LRBA: variants seen among roughly 807,000 people sequenced by gnomAD.
The protein encoded by LRBA is lipopolysaccharide-responsive and beige-like anchor protein.
LRBA carries 176 observed loss-of-function variants against 330.0 expected under a neutral mutation model. The ratio of observed to expected loss-of-function variants is 0.53; its 90% CI spans 0.47 to 0.60. The LOEUF (loss-of-function observed/expected upper bound fraction) is 0.60, where lower values mean the gene tolerates loss of function less well. Ranked by LOEUF, LRBA falls within the 20% of genes least tolerant of loss-of-function variation. LRBA has a pLI of 0.00. For synonymous variants in LRBA, 1,230 were observed against 1,193.0 expected, an observed-to-expected ratio of 1.03 and a Z score of -0.64; for missense variants, 3,259 against 3,444.8, an observed-to-expected ratio of 0.95 and a Z score of 1.35.
chr4:150,690,501 C>CAA (rs70941425), intron 36 of LRBA, among the ~76,000 whole-genome samples: 34 of 123,784 alleles, frequency 2.7e-4, no homozygotes, highest in Admixed American at 8.8e-4. Flanking sequence ...GACTCCATCT[C>CAA]AAAAAAAAAA....
At chr4:150,481,633 G>A (rs1757309177) in intron 42 of LRBA, among the ~76,000 whole-genome samples, 1 of 151,760 alleles carries the variant, frequency 6.6e-6, no homozygotes, top group South Asian at 2.1e-4. Context: ...TGCTTTTTCA[G>A]TAATTTCATA....
intron 34 of LRBA, among the ~76,000 whole-genome samples, chr4:150,787,337 T>G (rs1739232067): frequency 1.3e-5 from 2 of 152,206 alleles, no homozygotes; most frequent in Non-Finnish European, 2.9e-5. Flanking sequence ...TTTTTAAAAT[T>G]GTTTCGAGAA....
intron 44 of LRBA, among the ~76,000 whole-genome samples, chr4:150,441,174 G>T (rs1751787569): frequency 6.6e-6 from 1 of 151,730 alleles, no homozygotes; most frequent in South Asian, 2.1e-4. Flanking sequence ...ATAAAAAAAG[G>T]CACTAAGTAA....
chr4:150,601,098 C>T (rs111531306), intron 37 of LRBA, among the ~76,000 whole-genome samples: 15 of 152,244 alleles, frequency 9.9e-5, no homozygotes, highest in Admixed American at 2.6e-4. Flanking sequence ...AAACATATGA[C>T]GATGTAAAGC....
At chr4:150,844,339 T>C in intron 27 of LRBA, 132 bp from the exon 28 acceptor site, 1 of 532,454 alleles carries the variant, frequency 1.9e-6, no homozygotes, top group South Asian at 4.3e-5. Context: ...CCACTTTTTT[T>C]GTGTGTATGC....
At chr4:150,901,162 G>C (rs942675142) in intron 13 of LRBA, among the ~76,000 whole-genome samples, 3 of 152,070 alleles carry the variant, frequency 2.0e-5, no homozygotes, top group Admixed American at 6.6e-5. Context: ...AGCCGGGCGT[G>C]ATGGTACACA....
intron 35 of LRBA, among the ~76,000 whole-genome samples, chr4:150,737,452 T>C (rs1731330366): frequency 6.8e-6 from 1 of 146,472 alleles, no homozygotes; most frequent in Non-Finnish European, 1.5e-5. Flanking sequence ...AGAGCGAGAC[T>C]CCGACAGAAC....
chr4:150,633,882 AGGTG>A (rs1279057551), intron 37 of LRBA, among the ~76,000 whole-genome samples: 3 of 152,192 alleles, frequency 2.0e-5, no homozygotes, highest in Admixed American at 6.5e-5. Flanking sequence ...TGGGAGGCCG[AGGTG>A]GGTGGATCAC....
intron 44 of LRBA, among the ~76,000 whole-genome samples, chr4:150,462,908 G>A (rs1754961517): frequency 1.3e-5 from 2 of 151,778 alleles, no homozygotes; most frequent in South Asian, 4.1e-4. Flanking sequence ...TGTACAGATA[G>A]AGCTCATTTA....
intron 2 of LRBA, among the ~76,000 whole-genome samples, chr4:150,956,940 G>C (rs1181656922): frequency 6.7e-6 from 1 of 148,936 alleles, no homozygotes; most frequent in Non-Finnish European, 1.5e-5. Flanking sequence ...AACCAATTAG[G>C]TATTTTATCT....
chr4:150,552,897 G>C (rs924657565), intron 40 of LRBA, among the ~76,000 whole-genome samples: 1 of 151,410 alleles, frequency 6.6e-6, no homozygotes, highest in Non-Finnish European at 1.5e-5. Context: ...GTGAAACCCC[G>C]TCTCTACTAA....
intron 51 of LRBA, among the ~76,000 whole-genome samples, chr4:150,313,407 C>A (rs1731311843): frequency 6.6e-6 from 1 of 152,048 alleles, no homozygotes; most frequent in African/African-American, 2.4e-5. Flanking sequence ...GAATGTATAA[C>A]CTTTGCAACT....
intron 46 of LRBA, among the ~76,000 whole-genome samples, chr4:150,421,998 C>T (rs1299434217): frequency 6.6e-6 from 1 of 152,200 alleles, no homozygotes; most frequent in Non-Finnish European, 1.5e-5. Flanking sequence ...TGGCTCACAC[C>T]TGTGGTCCCA....
intron 47 of LRBA, among the ~76,000 whole-genome samples, chr4:150,361,281 T>C: frequency 6.6e-6 from 1 of 152,214 alleles, no homozygotes; most frequent in Non-Finnish European, 1.5e-5. Context: ...GTCAGTCTTT[T>C]AAAATTATTT....
At chr4:150,714,206 T>C (rs1288446841) in intron 36 of LRBA, among the ~76,000 whole-genome samples, 3 of 152,210 alleles carry the variant, frequency 2.0e-5, no homozygotes, top group African/African-American at 7.2e-5. Context: ...ATGTGGATAC[T>C]AGTTATGTAC....
At chr4:150,624,034 A>C (rs2126640548) in intron 37 of LRBA, among the ~76,000 whole-genome samples, 1 of 152,286 alleles carries the variant, frequency 6.6e-6, no homozygotes, top group African/African-American at 2.4e-5. Flanking sequence ...TACAAACTAT[A>C]TGAACAGATT....
Position 150,321,250 on chromosome 4 carries a change from G to C in LRBA, c.7571C>G (p.Ala2524Gly), listed in dbSNP as rs145552628. 133 of 1,612,468 alleles carry C rather than the reference G, an allele frequency of 8.2e-5. No homozygotes were observed. In the East Asian group the frequency reaches 2.9e-3, roughly 35 times the overall value. Residue 2524 changes from alanine (A) to glycine (G), a missense_variant, in exon 50 of 57, where the codon GCT becomes GGT. Coordinates refer to ENST00000651943, the MANE Select transcript of LRBA (RefSeq NM_001364905.1). The surrounding 1 kb of genome is among the most constrained non-coding windows in gnomAD (Gnocchi z 4.5). ...ANTQPGLATPAVITVTANRLF... is the reference protein window; with the variant it reads ...ANTQPGLATPGVITVTANRLF... Reference sequence around the variant, plus strand: ...CCTGTTAGCAGTGACTGTGATCACAGCGGGAGTTGCCAAACCAGGCTGGGT... The same window carrying C: ...CCTGTTAGCAGTGACTGTGATCACACCGGGAGTTGCCAAACCAGGCTGGGT...
intron 48 of LRBA, among the ~76,000 whole-genome samples, chr4:150,344,009 T>C (rs941868067): frequency 5.3e-5 from 8 of 152,204 alleles, no homozygotes; most frequent in Non-Finnish European, 5.9e-5. Context: ...AGTGCTTATC[T>C]CTATCTATGC....
chr4:150,268,232 GAAGA>G (rs1419968951), intron 56 of LRBA, among the ~76,000 whole-genome samples: 1 of 152,110 alleles, frequency 6.6e-6, no homozygotes, highest in African/African-American at 2.4e-5. Flanking sequence ...AAAACTGAAT[GAAGA>G]AATAGAAATG....
Sources: gnomAD v4.1 joint callset for allele counts (sites outside exome capture counted in the v4.1 genomes callset) on GRCh38, gnomAD v4.1.1 for gene constraint, Gnocchi (gnomAD v3.1) non-coding constraint, MANE v1.5 for transcripts, NCBI Gene and HGNC (gene_info 2026-07-23, HGNC 2026-07-21) for gene names.